TMEM117: variants seen among roughly 807,000 people sequenced by gnomAD.
TMEM117 encodes the protein transmembrane protein 117.
In TMEM117, 27 loss-of-function variants were observed where a neutral mutation model predicts 52.4. The ratio of observed to expected loss-of-function variants is 0.51; its 90% CI spans 0.38 to 0.71. TMEM117 has a LOEUF of 0.71. Among genes scored for constraint, TMEM117 ranks in the 30% least tolerant of loss-of-function variants. The pLI, the probability that TMEM117 is intolerant of heterozygous loss-of-function variation, is 0.00. For missense variants in TMEM117, 556 were observed against 630.5 expected, an observed-to-expected ratio of 0.88 and a Z score of 1.26; for synonymous variants, 215 against 206.3, an observed-to-expected ratio of 1.04 and a Z score of -0.36.
chr12:43,865,437 C>A (rs1425999276), intron 2 of TMEM117, among the ~76,000 whole-genome samples: 1 of 152,186 alleles, frequency 6.6e-6, no homozygotes, highest in Non-Finnish European at 1.5e-5. Flanking sequence ...TGGCTCAGAC[C>A]TGTAATCCCA....
At chr12:44,180,922 C>T (rs986711481) in intron 4 of TMEM117, among the ~76,000 whole-genome samples, 2 of 151,606 alleles carry the variant, frequency 1.3e-5, no homozygotes, top group South Asian at 2.1e-4. Flanking sequence ...CCTGAGGAAT[C>T]GCCACACTGA....
chr12:44,375,869 T>C (rs960572289), intron 6 of TMEM117, among the ~76,000 whole-genome samples: 2 of 152,116 alleles, frequency 1.3e-5, no homozygotes, highest in Admixed American at 6.6e-5. Context: ...CAAGAGGAGG[T>C]GAGACACCTA....
At chr12:43,811,748 G>A in the TMEM117 span, among the ~76,000 whole-genome samples, 1 of 152,306 alleles carries the variant, frequency 6.6e-6, no homozygotes, top group African/African-American at 2.4e-5. Context: ...TAGTTTTAAA[G>A]TTGAAATTAC....
At chr12:44,285,430 C>G (rs73274196) in intron 5 of TMEM117, among the ~76,000 whole-genome samples, 1,557 of 152,304 alleles carry the variant, frequency 0.01, 35 homozygotes, top group African/African-American at 0.035. Context: ...AGGATGCTAT[C>G]TTAACAAATG....
At chr12:44,019,333 C>T (rs1049454198) in intron 3 of TMEM117, among the ~76,000 whole-genome samples, 1 of 151,986 alleles carries the variant, frequency 6.6e-6, no homozygotes, top group Non-Finnish European at 1.5e-5. Flanking sequence ...TTCTCACTCC[C>T]CAGGAGACCC....
At position 43,962,174 on chromosome 12, in the gene TMEM117, G is replaced by A. The variant is rs539241170; in HGVS notation, c.410+17832G>A. On this transcript the variant is annotated intron_variant, in intron 3 of 7. Transcript: ENST00000266534. Reference sequence around the variant, plus strand: ...ACCGTTCTGGTACCAGGTCAGGAAGGTAATACTTTTTTTCATAGTGGACTT... The same window carrying A: ...ACCGTTCTGGTACCAGGTCAGGAAGATAATACTTTTTTTCATAGTGGACTT... 7.7e-4 allele frequency among the ~76,000 whole-genome samples: 117 copies of A among 152,302 alleles called. 1 individual carries two copies. In the South Asian group the frequency reaches 0.01, roughly 13 times the overall value.
chr12:44,246,346 A>G (rs1950129521), intron 5 of TMEM117, among the ~76,000 whole-genome samples: 1 of 152,212 alleles, frequency 6.6e-6, no homozygotes, highest in African/African-American at 2.4e-5. Context: ...TACATTAACC[A>G]CAAGGAGAAT....
intron 3 of TMEM117, among the ~76,000 whole-genome samples, chr12:43,970,694 G>A (rs932320879): frequency 6.6e-6 from 1 of 152,078 alleles, no homozygotes; most frequent in Admixed American, 6.6e-5. Context: ...GTATATATAG[G>A]GTTCAGTATT....
At chr12:44,318,087 A>G (rs1951081832) in intron 6 of TMEM117, among the ~76,000 whole-genome samples, 1 of 152,148 alleles carries the variant, frequency 6.6e-6, no homozygotes, top group Non-Finnish European at 1.5e-5. Context: ...GCACCTGGAG[A>G]TCTTCCTGGG....
intron 5 of TMEM117, among the ~76,000 whole-genome samples, chr12:44,232,076 G>A (rs1020112976): frequency 6.6e-6 from 1 of 151,596 alleles, no homozygotes; most frequent in Non-Finnish European, 1.5e-5. Flanking sequence ...AAGAGTGCCT[G>A]AAACCTAGGA....
intron 6 of TMEM117, among the ~76,000 whole-genome samples, chr12:44,358,068 G>A (rs1048105901): frequency 6.6e-6 from 1 of 152,118 alleles, no homozygotes; most frequent in Non-Finnish European, 1.5e-5. Context: ...ATTAACACAG[G>A]AACAGGAAAC....
chr12:44,028,216 A>G (rs1347589068), intron 3 of TMEM117, among the ~76,000 whole-genome samples: 1 of 152,160 alleles, frequency 6.6e-6, no homozygotes, highest in Non-Finnish European at 1.5e-5. Context: ...TGTTTGACTG[A>G]GTGTAGATTT....
intron 4 of TMEM117, among the ~76,000 whole-genome samples, chr12:44,179,273 C>T (rs924255458): frequency 7.6e-6 from 1 of 131,082 alleles, no homozygotes; most frequent in Non-Finnish European, 1.6e-5. Flanking sequence ...ACAATTGGCT[C>T]ACACAATTAC....
intron 3 of TMEM117, among the ~76,000 whole-genome samples, chr12:44,133,844 C>A (rs1042396111): frequency 6.6e-6 from 1 of 152,110 alleles, no homozygotes; most frequent in Non-Finnish European, 1.5e-5. Flanking sequence ...AAACTCAATT[C>A]CAGGGCCCCT....
chr12:44,142,681 C>T (rs1406025167), intron 3 of TMEM117, among the ~76,000 whole-genome samples: 2 of 151,702 alleles, frequency 1.3e-5, no homozygotes, highest in Non-Finnish European at 2.9e-5. Context: ...GTTAAGTGAA[C>T]AAAAACTTAA....
rs566794877 is a variant in TMEM117 at position 44,198,823 on chromosome 12, T to C, written c.511-12467T>C. ...AGGGGCACCATAGTTTTCTTATCAG[T>C]TTTCTCAAGTGTCAGGCAGAAAGGG... On this transcript the variant is annotated intron_variant, in intron 4 of 7. Coordinates refer to ENST00000266534, the MANE Select transcript of TMEM117 (RefSeq NM_032256.3). Among the ~76,000 whole-genome samples the C allele has an allele frequency of 2.6e-4, 40 of 152,072 alleles. No homozygotes were observed. The South Asian group carries it at 7.9e-3, about 30-fold the overall frequency.
intron 2 of TMEM117, among the ~76,000 whole-genome samples, chr12:43,873,554 AATCTGAGGCTT>A (rs1943741299): frequency 6.6e-6 from 1 of 152,084 alleles, no homozygotes; most frequent in South Asian, 2.1e-4. Context: ...TATTAATAAA[AATCTGAGGCTT>A]ATGCTGAGGC....
At chr12:43,853,346 G>T (rs1412686377) in intron 2 of TMEM117, among the ~76,000 whole-genome samples, 1 of 152,124 alleles carries the variant, frequency 6.6e-6, no homozygotes, top group Non-Finnish European at 1.5e-5. Flanking sequence ...TGCAATCTTG[G>T]CTCACTGCAA....
the TMEM117 span, among the ~76,000 whole-genome samples, chr12:43,822,345 T>A: frequency 3.3e-5 from 5 of 152,242 alleles, no homozygotes; most frequent in African/African-American, 1.2e-4. Context: ...CAGACTTAAG[T>A]AAATTCGTAT....
Sources: gnomAD v4.1 joint callset for allele counts (sites outside exome capture counted in the v4.1 genomes callset) on GRCh38, gnomAD v4.1.1 for gene constraint, MANE v1.5 for transcripts, NCBI Gene and HGNC (gene_info 2026-07-23, HGNC 2026-07-21) for gene names.